The following KLF3 variants were observed in gnomAD, a reference collection of about 807,000 sequenced individuals.
KLF3 encodes Krueppel-like factor 3.
A neutral mutation model predicts 32.7 loss-of-function variants in KLF3; 6 were observed. That is an observed-to-expected ratio of 0.18 (90% confidence interval 0.10 to 0.36). KLF3 has a LOEUF of 0.36. Ranked by LOEUF, KLF3 falls within the 10% of genes least tolerant of loss-of-function variation. KLF3 has a pLI of 1.00. For missense variants in KLF3, 338 were observed against 449.7 expected (o/e 0.75, Z 2.25); for synonymous variants, 145 against 172.8 (o/e 0.84, Z 1.26).
Position 38,674,053 on chromosome 4 carries a change from G to A in KLF3, c.-39-6534G>A, listed in dbSNP as rs186391058. On this transcript the variant is annotated intron_variant, in intron 1 of 5. Coordinates refer to ENST00000261438, the MANE Select transcript of KLF3 (RefSeq NM_016531.6). The surrounding 1 kb of genome is among the most constrained non-coding windows in gnomAD (Gnocchi z 4.1). The stretch of plus-strand genomic sequence containing the variant: ...ATGCAAAATAACTAATTCATGAGGG[G>A]CGAAGATTTAGAAACACCCCATGGA... 9.9e-5 allele frequency among the ~76,000 whole-genome samples: 15 copies of A among 152,188 alleles called. No homozygotes were observed. The East Asian group carries it at 2.5e-3, about 25-fold the overall frequency.
At position 38,697,515 on chromosome 4, in the gene KLF3, A is replaced by T. The variant is rs1316816317; in HGVS notation, c.*252A>T. ...TTTTTTTTCTGGGGATGCTAAGCAA[A>T]CCCTTCTTACAGATACGTTTAATGT... On this transcript the variant is annotated 3_prime_UTR_variant, in exon 6 of 6. Transcript: ENST00000261438. 7.8e-6 allele frequency: 3 copies of T among 385,648 alleles called. No individual in the cohort carries two copies. Among genetic ancestry groups the T allele is most frequent in the Non-Finnish European group, 1.4e-5 (3 of 215,436 alleles). 23.9% of individuals were successfully genotyped at this position (385,648 alleles called of 1,614,324 possible).
In KLF3 at chr4:38,688,649, C is replaced by T; in HGVS notation, c.122C>T (p.Pro41Leu). The T allele has an allele frequency of 6.2e-7, 1 of 1,614,144 alleles. No homozygotes were observed. The highest frequency in any genetic ancestry group is 1.7e-5 in the Admixed American group (1 of 60,020). ...AAGTATGGGGTCATCTACTCCACAC[C>T]ATTGCCTGAGAAGTTCTTTCAGACC... is the stretch of plus-strand genomic sequence containing the variant. ...PNKYGVIYST[P>L]LPEKFFQTPE... is the part of the protein sequence containing the mutation. Residue 41 changes from proline (P) to leucine (L), a missense_variant, in exon 3 of 6, where the codon CCA becomes CTA. Coordinates refer to ENST00000261438, the MANE Select transcript of KLF3 (RefSeq NM_016531.6). This position sits in a 1 kb window ranked among gnomAD's most constrained non-coding sequence, Gnocchi z 4.9.
chr4:38,694,612 T>A, intron 4 of KLF3, 134 bp from the exon 5 acceptor site: 1 of 769,236 alleles, frequency 1.3e-6, no homozygotes. Flanking sequence ...GTTGATCAGC[T>A]AATTTCTTTT....
In KLF3 at chr4:38,697,872, G is replaced by A. The variant is rs1353562747; in HGVS notation, c.*609G>A. 2 of 152,170 alleles carry A rather than the reference G, an allele frequency of 1.3e-5. No homozygotes were observed. The highest frequency in any genetic ancestry group is 4.8e-5 in the African/African-American group (2 of 41,412). 9.4% of individuals were successfully genotyped at this position (152,170 alleles called of 1,614,324 possible). ...CCTTTGTGCCTGCAGCTCATATGGA[G>A]GTCTTTGCCACCAATGGGAGATGAG... On this transcript the variant is annotated 3_prime_UTR_variant, in exon 6 of 6. Transcript: ENST00000261438.
chr4:38,684,343 A>G (rs982631581), intron 2 of KLF3, among the ~76,000 whole-genome samples: 5 of 152,180 alleles, frequency 3.3e-5, no homozygotes, highest in African/African-American at 4.8e-5. Flanking sequence ...GAGTGTGTCA[A>G]TTTACTACAC....
chr4:38,690,847 T>C (rs1337138373), intron 4 of KLF3: 2 of 152,202 alleles, frequency 1.3e-5, no homozygotes, highest in Admixed American at 6.5e-5. Flanking sequence ...AATAACTATT[T>C]TATGGTAACT....
rs1473165099 is a variant in KLF3 at position 38,698,591 on chromosome 4, C to T, written c.*1328C>T. 2 of 152,482 alleles carry T rather than the reference C, an allele frequency of 1.3e-5. No individual in the cohort carries two copies. The highest frequency in any genetic ancestry group is 2.9e-5 in the Non-Finnish European group (2 of 68,014). The allele number at this position is 152,482 out of a possible 1,614,324, so 9.4% of individuals were successfully genotyped here. On this transcript the variant is annotated 3_prime_UTR_variant, in exon 6 of 6. Coordinates refer to ENST00000261438, the MANE Select transcript of KLF3 (RefSeq NM_016531.6). ...AGATCAGGGATTCATATATGTAGCT[C>T]AAAAATTCCCAAAAGTTTACTGTTA...
chr4:38,697,018 A>T (rs1038350021), intron 5 of KLF3, 64 bp from the exon 6 acceptor site: 1 of 1,330,476 alleles, frequency 7.5e-7, no homozygotes, highest in Non-Finnish European at 1.0e-6. Flanking sequence ...GTCAAGCATT[A>T]ACTCAAAGAT....
Position 38,671,934 on chromosome 4 carries a change from C to T in KLF3, c.-40+7473C>T, listed in dbSNP as rs180762093. 6.6e-6 allele frequency among the ~76,000 whole-genome samples: 1 copy of T among 152,198 alleles called. No homozygotes were observed. Among genetic ancestry groups the T allele is most frequent in the Admixed American group, 6.5e-5 (1 of 15,292 alleles). ...CACCTGCCTCCTCTCCTCCCTTTCT[C>T]GCTTTCTTTTTTCTATTTTAGATTT... On this transcript the variant is annotated intron_variant, in intron 1 of 5. Coordinates refer to ENST00000261438, the MANE Select transcript of KLF3 (RefSeq NM_016531.6). The surrounding 1 kb of genome is among the most constrained non-coding windows in gnomAD (Gnocchi z 4.4).
Position 38,700,019 on chromosome 4 carries a change from TAC to T in KLF3, c.*2757_*2758del, listed in dbSNP as rs2109261167. On this transcript the variant is annotated 3_prime_UTR_variant, in exon 6 of 6. Transcript: ENST00000261438. ...TGATTTGTAAACATGAAGTTACTAT[TAC>T]GTAAATTCTGTTTGTTATAGAGTTT... is the stretch of plus-strand genomic sequence containing the variant. 1 of 152,378 alleles carries T rather than the reference TAC, an allele frequency of 6.6e-6. No homozygotes were observed. The highest frequency in any genetic ancestry group is 2.1e-4 in the South Asian group (1 of 4,828). The allele number at this position is 152,378 out of a possible 1,614,324, so 9.4% of individuals were successfully genotyped here. A position where few individuals can be genotyped will look rare whatever the true frequency, so the allele number is the denominator to read the frequency against.
chr4:38,667,183 T>C (rs1722070175), intron 1 of KLF3, among the ~76,000 whole-genome samples: 1 of 152,228 alleles, frequency 6.6e-6, no homozygotes, highest in African/African-American at 2.4e-5. Flanking sequence ...AAACTCCAGC[T>C]GCTCATGAAT....
chr4:38,664,594 G>C (rs1721942542), intron 1 of KLF3, 133 bp downstream of exon 1: 1 of 151,976 alleles, frequency 6.6e-6, no homozygotes, highest in South Asian at 2.1e-4. Context: ...TGGTGTTGGG[G>C]GGGGCGCCTG....
At chr4:38,692,206 T>C (rs1579131740) in intron 4 of KLF3, among the ~76,000 whole-genome samples, 1 of 152,356 alleles carries the variant, frequency 6.6e-6, no homozygotes, top group East Asian at 1.9e-4. Flanking sequence ...AGATATCTTA[T>C]ATGTATTAGC....
intron 1 of KLF3, among the ~76,000 whole-genome samples, chr4:38,676,006 T>C (rs535078549): frequency 6.6e-6 from 1 of 152,354 alleles, no homozygotes; most frequent in East Asian, 1.9e-4. Context: ...GTCAGAGATA[T>C]GGGTGCAAAG....
rs1579128262 is a variant in KLF3 at position 38,688,014 on chromosome 4, C to T, written c.58-571C>T. ...GAAGCCCATCAAATGAAAGGTACTGCCTATCCTGCAGCCCCATTCTTGCTT... is the reference window on the plus strand; with the variant it reads ...GAAGCCCATCAAATGAAAGGTACTGTCTATCCTGCAGCCCCATTCTTGCTT... On this transcript the variant is annotated intron_variant, in intron 2 of 5. Transcript: ENST00000261438. This position sits in a 1 kb window ranked among gnomAD's most constrained non-coding sequence, Gnocchi z 4.9. Among the ~76,000 whole-genome samples, 1 of 152,282 alleles carries T rather than the reference C, an allele frequency of 6.6e-6. No homozygotes were observed. The highest frequency in any genetic ancestry group is 1.9e-4 in the East Asian group (1 of 5,184).
chr4:38,691,498 G>GAGGGATCCGTT (rs1185039450), intron 4 of KLF3, among the ~76,000 whole-genome samples: 1 of 152,218 alleles, frequency 6.6e-6, no homozygotes, highest in Non-Finnish European at 1.5e-5. Context: ...GCCTCCAAGG[G>GAGGGATCCGTT]AGGGATCCGT....
In KLF3 at chr4:38,674,954, C is replaced by CGG. The variant is rs146914329; in HGVS notation, c.-39-5633_-39-5632insGG. Among the ~76,000 whole-genome samples the CGG allele has an allele frequency of 6.6e-6, 1 of 152,176 alleles. No individual in the cohort carries two copies. The highest frequency in any genetic ancestry group is 1.5e-5 in the Non-Finnish European group (1 of 68,038). The stretch of plus-strand genomic sequence containing the variant: ...CCCTAACCTCGTCTTCCATGAAGGA[C>CGG]TGTGTGTGTGTTTCTAAGCCCTGCA... On this transcript the variant is annotated intron_variant, in intron 1 of 5. Coordinates refer to ENST00000261438, the MANE Select transcript of KLF3 (RefSeq NM_016531.6). This position sits in a 1 kb window ranked among gnomAD's most constrained non-coding sequence, Gnocchi z 4.1.
chr4:38,696,186 G>GAAAAAAAAAAAAAAAAAAAAA (rs57996051), intron 5 of KLF3, among the ~76,000 whole-genome samples: 1 of 99,266 alleles, frequency 1.0e-5, no homozygotes, highest in African/African-American at 3.9e-5. Context: ...TTAGATGTAG[G>GAAAAAAAAAAAAAAAAAAAAA]AAAAAAAAAA....
rs1271660618 is a variant in KLF3 at position 38,688,066 on chromosome 4, A to T, written c.58-519A>T. On this transcript the variant is annotated intron_variant, in intron 2 of 5. Coordinates refer to ENST00000261438, the MANE Select transcript of KLF3 (RefSeq NM_016531.6). This position sits in a 1 kb window ranked among gnomAD's most constrained non-coding sequence, Gnocchi z 4.9. ...TTATACACAAGTATGATGAGAAATC[A>T]ATGTCCTGCTGAAGTTGAAGACACT... Among the ~76,000 whole-genome samples, 1 of 152,218 alleles carries T rather than the reference A, an allele frequency of 6.6e-6. No individual in the cohort carries two copies.
Sources: gnomAD v4.1 joint callset for allele counts (sites outside exome capture counted in the v4.1 genomes callset) on GRCh38, gnomAD v4.1.1 for gene constraint, Gnocchi (gnomAD v3.1) non-coding constraint, MANE v1.5 for transcripts, NCBI Gene and HGNC (gene_info 2026-07-23, HGNC 2026-07-21) for gene names.